Variants in TCF20 observed in about 807,000 individuals in gnomAD.
TCF20 encodes transcription factor 20, also known as SPRE-binding protein.
A neutral mutation model predicts 148.6 loss-of-function variants in TCF20; 3 were observed. The ratio of observed to expected loss-of-function variants is 0.02; its 90% CI spans 0.01 to 0.05. The LOEUF is 0.05. Among genes scored for constraint, TCF20 ranks in the 10% least tolerant of loss-of-function variants. TCF20 has a pLI of 1.00. For missense variants in TCF20, 2,350 were observed against 2,429.3 expected, an observed-to-expected ratio of 0.97 and a Z score of 0.69; for synonymous variants, 1,049 against 909.5, an observed-to-expected ratio of 1.15 and a Z score of -2.76.
At chr22:42,205,173 G>A (rs1273789254) in intron 2 of TCF20, among the ~76,000 whole-genome samples, 3 of 151,738 alleles carry the variant, frequency 2.0e-5, no homozygotes, top group African/African-American at 7.3e-5. Context: ...CATGTCAGAG[G>A]TCATTGTGAT....
At chr22:42,308,282 A>C (rs1380543236) in intron 1 of TCF20, among the ~76,000 whole-genome samples, 2 of 152,096 alleles carry the variant, frequency 1.3e-5, no homozygotes, top group African/African-American at 4.8e-5. Context: ...AGTGAGAGAG[A>C]GAGCTCGAGG....
chr22:42,260,313 C>A (rs966438775), intron 1 of TCF20, among the ~76,000 whole-genome samples: 3 of 152,140 alleles, frequency 2.0e-5, no homozygotes, highest in Non-Finnish European at 2.9e-5. Flanking sequence ...TTAGATATGA[C>A]CCTGTTGGCC....
chr22:42,164,643 A>G (rs1306290522), intron 5 of TCF20, among the ~76,000 whole-genome samples: 1 of 152,224 alleles, frequency 6.6e-6, no homozygotes, highest in South Asian at 2.1e-4. Context: ...TGGAGCTTAC[A>G]GTCTAGTGGA....
intron 2 of TCF20, among the ~76,000 whole-genome samples, chr22:42,193,458 A>G (rs113036988): frequency 2.0e-5 from 3 of 151,778 alleles, no homozygotes; most frequent in African/African-American, 7.3e-5. Flanking sequence ...CTACTTCCTT[A>G]GTAGCTGGGA....
rs1376923715 is a variant in TCF20, at chr22:42,210,091, G to A, written c.5215C>T (p.Pro1739Ser). Reference protein sequence around the residue: ...YAATLPKNPPPKRATEMQSKV... With the variant: ...YAATLPKNPPSKRATEMQSKV... The stretch of plus-strand genomic sequence containing the variant: ...CTCTGCATTTCTGTGGCCCTCTTAG[G>A]AGGTGGATTCTTCGGGAGAGTGGCT... Residue 1739 changes from proline to serine, a missense_variant, in exon 2 of 6, where the codon CCT becomes TCT. By Grantham distance (74) the Pro-to-Ser change is moderately conservative. Around this residue, in one of 7 missense-constraint regions of TCF20, gnomAD observed 374 missense variants for 398.3 expected, o/e 0.94. Coordinates refer to ENST00000677622, the MANE Select transcript of TCF20 (RefSeq NM_001378418.1). The surrounding 1 kb of genome is among the most constrained non-coding windows in gnomAD (Gnocchi z 4.7). 1 of 1,613,934 alleles carries A rather than the reference G, an allele frequency of 6.2e-7. No homozygotes were observed. The highest frequency in any genetic ancestry group is 8.5e-7 in the Non-Finnish European group (1 of 1,180,046).
At chr22:42,273,014 G>GA (rs200590506), upstream of TCF20, among the ~76,000 whole-genome samples, 14 of 151,392 alleles carry the variant, frequency 9.2e-5, no homozygotes, top group African/African-American at 1.7e-4. Flanking sequence ...TTATTTAAAA[G>GA]AAAAAAATTT....
chr22:42,268,038 C>G (rs972035031), intron 1 of TCF20, among the ~76,000 whole-genome samples: 1 of 151,990 alleles, frequency 6.6e-6, no homozygotes, highest in East Asian at 1.9e-4. Flanking sequence ...CCCAGCTACT[C>G]GGGAGGCTGA....
intron 1 of TCF20, among the ~76,000 whole-genome samples, chr22:42,229,725 C>G (rs1008079919): frequency 6.6e-6 from 1 of 152,234 alleles, no homozygotes; most frequent in Non-Finnish European, 1.5e-5. Context: ...CTTTCCAAAT[C>G]TGAGTCATTC....
intron 2 of TCF20, among the ~76,000 whole-genome samples, chr22:42,188,319 A>AAAAAAAAAAAAAAC (rs1937153410): frequency 1.3e-5 from 2 of 148,736 alleles, no homozygotes; most frequent in Non-Finnish European, 1.5e-5. Flanking sequence ...AAAAAAAAAA[A>AAAAAAAAAAAAAAC]ATCCAGATTC....
chr22:42,214,911 C>T lies in TCF20; in HGVS notation c.395G>A (p.Ser132Asn), dbSNP rs1398922922. 7 of 1,614,116 alleles carry T rather than the reference C, an allele frequency of 4.3e-6. No homozygotes were observed. The highest frequency in any genetic ancestry group is 1.3e-5 in the African/African-American group (1 of 74,936). The change falls in exon 2 of 6, where the codon AGT becomes AAT. Residue 132 changes from serine to asparagine, a missense_variant. Ser to Asn is a conservative substitution (Grantham distance 46, BLOSUM62 1). Coordinates refer to ENST00000677622, the MANE Select transcript of TCF20 (RefSeq NM_001378418.1). ...QGSSFGNQYG[S>N]EGHVGQFQAQ... ...TTGAAACTGGCCCACATGACCCTCA[C>T]TCCCATACTGATTGCCAAAGCTGCT...
At chr22:42,168,829 A>C in intron 4 of TCF20, 93 bp from the exon 5 acceptor site, 1 of 1,421,788 alleles carries the variant, frequency 7.0e-7, no homozygotes, top group East Asian at 2.7e-5. Flanking sequence ...TGGCACATGG[A>C]AAAGGAAAGA....
At chr22:42,226,185 G>A (rs1384805407) in intron 1 of TCF20, among the ~76,000 whole-genome samples, 1 of 152,178 alleles carries the variant, frequency 6.6e-6, no homozygotes, top group African/African-American at 2.4e-5. Flanking sequence ...TCCCAAAAAG[G>A]GGGCAGGAGA....
chr22:42,248,582 G>C (rs553800592), intron 1 of TCF20, among the ~76,000 whole-genome samples: 2 of 152,122 alleles, frequency 1.3e-5, no homozygotes, highest in African/African-American at 4.8e-5. Context: ...ACTAGATTTA[G>C]CAAAAACTGT....
intron 2 of TCF20, among the ~76,000 whole-genome samples, chr22:42,186,387 C>CACTTT (rs1937047744): frequency 6.6e-6 from 1 of 152,118 alleles, no homozygotes; most frequent in Non-Finnish European, 1.5e-5. Context: ...GTTTTACAAA[C>CACTTT]TAGAAAGTTA....
intron 1 of TCF20, among the ~76,000 whole-genome samples, chr22:42,234,026 A>C (rs1923659306): frequency 6.6e-6 from 1 of 152,212 alleles, no homozygotes; most frequent in Non-Finnish European, 1.5e-5. Flanking sequence ...GTACAAACAA[A>C]ATGTAAAAAC....
intron 1 of TCF20, among the ~76,000 whole-genome samples, chr22:42,245,032 G>A (rs1476683217): frequency 2.6e-5 from 4 of 151,912 alleles, no homozygotes; most frequent in Admixed American, 2.0e-4. Context: ...GCAGTGAGCC[G>A]TGATCATGCC....
At position 42,212,433 on chromosome 22, in the gene TCF20, T is replaced by C; in HGVS notation, c.2873A>G (p.His958Arg). The C allele has an allele frequency of 6.2e-7, 1 of 1,614,228 alleles. No homozygotes were observed. Among genetic ancestry groups the C allele is most frequent in the Non-Finnish European group, 8.5e-7 (1 of 1,180,044 alleles). Residue 958 changes from histidine (H) to arginine (R), a missense_variant, in exon 2 of 6, where the codon CAT becomes CGT. Around this residue, in one of 7 missense-constraint regions of TCF20, gnomAD observed 1,641 missense variants for 1,662.6 expected, o/e 0.99. Transcript: ENST00000677622. The stretch of plus-strand genomic sequence containing the variant: ...GCTGGCATTGCCGCGGTAAGACTCA[T>C]GCTTGATGCTAGGAGGATGGCAGTG... ...GDHCHPPSIK[H>R]ESYRGNASPG...
At chr22:42,173,061 A>G (rs936510346) in intron 3 of TCF20, among the ~76,000 whole-genome samples, 9 of 152,252 alleles carry the variant, frequency 5.9e-5, no homozygotes, top group Non-Finnish European at 1.2e-4. Flanking sequence ...TAGCAGCTTT[A>G]AAATGCTACT....
intron 1 of TCF20, among the ~76,000 whole-genome samples, chr22:42,310,187 T>C (rs1927507847): frequency 6.6e-6 from 1 of 152,246 alleles, no homozygotes; most frequent in Admixed American, 6.5e-5. Context: ...CTTAACTGCC[T>C]GCCACACTGA....
Sources: allele counts gnomAD v4.1 joint callset (sites outside exome capture counted in the v4.1 genomes callset), GRCh38; gene constraint gnomAD v4.1.1; regional missense constraint gnomAD v4.1.1; non-coding constraint Gnocchi (gnomAD v3.1); transcripts MANE v1.5; gene names NCBI Gene and HGNC (gene_info 2026-07-23, HGNC 2026-07-21).